Variants in KAT6B observed in about 807,000 individuals in gnomAD.
KAT6B encodes the protein histone acetyltransferase KAT6B.
In KAT6B, 10 loss-of-function variants were observed where a neutral mutation model predicts 187.5. The observed-to-expected ratio is 0.05, with a 90% CI of 0.03 to 0.09. The LOEUF (loss-of-function observed/expected upper bound fraction) is 0.09. KAT6B is among the 10% of genes least tolerant of loss of function. KAT6B has a pLI of 1.00. For synonymous variants in KAT6B, 861 were observed against 926.8 expected (o/e 0.93, Z 1.29); for missense variants, 1,952 against 2,558.9 (o/e 0.76, Z 5.12).
intron 7 of KAT6B, among the ~76,000 whole-genome samples, chr10:74,972,907 T>C (rs941729639): frequency 8.5e-5 from 13 of 152,182 alleles, no homozygotes; most frequent in African/African-American, 2.9e-4. Context: ...AATGTAAGAA[T>C]TGGAAACAGT....
rs1201612997 is a variant in KAT6B at position 75,025,303 on chromosome 10, G to A, written c.3664+54G>A. The A allele has an allele frequency of 1.6e-5, 26 of 1,591,598 alleles. No individual in the cohort carries two copies. In the South Asian group the frequency reaches 2.6e-4, roughly 16 times the overall value. ...CCTTGAGAATGTCTGTATCTGACTG[G>A]GTGCCAAAGAGCAGGCCTCTGGCGT... On this transcript the variant is annotated intron_variant, in intron 17 of 17. Coordinates refer to ENST00000287239, the MANE Select transcript of KAT6B (RefSeq NM_012330.4).
intron 3 of KAT6B, among the ~76,000 whole-genome samples, chr10:74,869,478 G>A (rs920760378): frequency 6.6e-6 from 1 of 152,066 alleles, no homozygotes; most frequent in Non-Finnish European, 1.5e-5. Flanking sequence ...TAGATACAGG[G>A]TTTCGCCATG....
At chr10:74,867,665 G>A (rs1354092703) in intron 3 of KAT6B, among the ~76,000 whole-genome samples, 2 of 152,218 alleles carry the variant, frequency 1.3e-5, no homozygotes, top group East Asian at 3.8e-4. Flanking sequence ...CCGCCTTGCA[G>A]ATGGTTAGAC....
At chr10:74,980,923 A>G (rs1842469694) in intron 10 of KAT6B, among the ~76,000 whole-genome samples, 1 of 152,224 alleles carries the variant, frequency 6.6e-6, no homozygotes, top group South Asian at 2.1e-4. Context: ...CTTTAAAGTT[A>G]CCTCTTCCAG....
chr10:74,893,162 G>A (rs553710266), intron 3 of KAT6B, among the ~76,000 whole-genome samples: 31 of 152,350 alleles, frequency 2.0e-4, no homozygotes, highest in African/African-American at 6.0e-4. Context: ...GGAGGTCCCA[G>A]CAAAGGGGTC....
At chr10:74,979,536 C>T (rs1200771009) in intron 10 of KAT6B, among the ~76,000 whole-genome samples, 197 bp downstream of exon 10, 2 of 151,330 alleles carry the variant, frequency 1.3e-5, no homozygotes, top group Non-Finnish European at 2.9e-5. Flanking sequence ...CCTTATGCTC[C>T]TTAGTTACAT....
intron 9 of KAT6B, among the ~76,000 whole-genome samples, chr10:74,978,607 A>T (rs1842310478): frequency 6.6e-6 from 1 of 152,136 alleles, no homozygotes; most frequent in Admixed American, 6.5e-5. Context: ...TTCAAGAAAT[A>T]TTCTTGTTCT....
At chr10:74,994,149 A>C (rs369331549) in intron 13 of KAT6B, among the ~76,000 whole-genome samples, 1 of 152,088 alleles carries the variant, frequency 6.6e-6, no homozygotes, top group Non-Finnish European at 1.5e-5. Flanking sequence ...TCTACAACTT[A>C]CTAATTGGCA....
intron 13 of KAT6B, among the ~76,000 whole-genome samples, chr10:75,004,966 C>T (rs1272629545): frequency 6.6e-6 from 1 of 152,094 alleles, no homozygotes; most frequent in South Asian, 2.1e-4. Context: ...GCTCCTGCCT[C>T]GGCCTCCCAA....
chr10:74,837,087 G>C (rs1038185878), intron 1 of KAT6B, among the ~76,000 whole-genome samples: 2 of 152,062 alleles, frequency 1.3e-5, no homozygotes, highest in Non-Finnish European at 2.9e-5. Context: ...AGGAGGCCTC[G>C]CATAATACTT....
At chr10:74,876,327 C>T (rs990640856) in intron 3 of KAT6B, among the ~76,000 whole-genome samples, 3 of 152,106 alleles carry the variant, frequency 2.0e-5, no homozygotes, top group African/African-American at 7.2e-5. Context: ...TATATAAGTG[C>T]TCTTTCTTTG....
chr10:74,983,264 T>G (rs1259503743), intron 11 of KAT6B: 1 of 152,560 alleles, frequency 6.6e-6, no homozygotes, highest in Non-Finnish European at 1.5e-5. Flanking sequence ...CTCTGCTAAT[T>G]GGATGCCAGT....
chr10:74,982,070 A>G (rs1842548353), intron 11 of KAT6B, 142 bp downstream of exon 11: 11 of 691,398 alleles, frequency 1.6e-5, no homozygotes, highest in East Asian at 8.2e-5. Flanking sequence ...AAACATCTCC[A>G]TGTTTTGGAA....
At chr10:74,888,317 A>G (rs1845429665) in intron 3 of KAT6B, among the ~76,000 whole-genome samples, 1 of 152,240 alleles carries the variant, frequency 6.6e-6, no homozygotes, top group Non-Finnish European at 1.5e-5. Context: ...TAATTAAAAA[A>G]CAAATAACAG....
In KAT6B at chr10:74,842,878, A is replaced by C; in HGVS notation, c.21A>C (p.Pro7=). ...CAACCATGGTAAAACTTGCAAACCCACTTTATACAGAGTGGATTCTTGAAG... is the reference window on the plus strand; with the variant it reads ...CAACCATGGTAAAACTTGCAAACCCCCTTTATACAGAGTGGATTCTTGAAG... MVKLAN[P]LYTEWILEAI... The change falls in exon 3 of 18, where the codon CCA becomes CCC. Residue 7 remains proline (P), a synonymous_variant. Coordinates refer to ENST00000287239, the MANE Select transcript of KAT6B (RefSeq NM_012330.4). 1 of 1,614,230 alleles carries C rather than the reference A, an allele frequency of 6.2e-7. No homozygotes were observed. Among genetic ancestry groups the C allele is most frequent in the Non-Finnish European group, 8.5e-7 (1 of 1,180,048 alleles).
intron 3 of KAT6B, among the ~76,000 whole-genome samples, chr10:74,878,977 G>A (rs767696892): frequency 2.6e-5 from 4 of 152,234 alleles, no homozygotes; most frequent in Non-Finnish European, 4.4e-5. Context: ...GGGTAACAGC[G>A]GAAACGTCTT....
intron 13 of KAT6B, among the ~76,000 whole-genome samples, chr10:75,015,732 A>T (rs1844933684): frequency 6.6e-6 from 1 of 152,234 alleles, no homozygotes; most frequent in South Asian, 2.1e-4. Context: ...TGCTGAGCTA[A>T]ACAGGTGTCT....
intron 3 of KAT6B, among the ~76,000 whole-genome samples, chr10:74,950,561 G>A (rs998333277): frequency 6.6e-6 from 1 of 152,242 alleles, no homozygotes; most frequent in African/African-American, 2.4e-5. Flanking sequence ...GAGTGTGCAT[G>A]ATCTCTATCC....
intron 3 of KAT6B, among the ~76,000 whole-genome samples, chr10:74,848,419 T>C (rs1320453057): frequency 6.6e-6 from 1 of 152,084 alleles, no homozygotes; most frequent in African/African-American, 2.4e-5. Flanking sequence ...GCACAAGAAT[T>C]GTTTGAACCT....
Sources: allele counts gnomAD v4.1 joint callset (sites outside exome capture counted in the v4.1 genomes callset), GRCh38; gene constraint gnomAD v4.1.1; transcripts MANE v1.5; gene names NCBI Gene and HGNC (gene_info 2026-07-23, HGNC 2026-07-21).